PACSIN2: variants seen among roughly 807,000 people sequenced by gnomAD.
PACSIN2 encodes the protein protein kinase C and casein kinase substrate in neurons protein 2.
PACSIN2 carries 25 observed loss-of-function variants against 63.8 expected under a neutral mutation model. That is an observed-to-expected ratio of 0.39 (90% confidence interval 0.29 to 0.55). The LOEUF (loss-of-function observed/expected upper bound fraction) is 0.55. PACSIN2 is among the 20% of genes least tolerant of loss of function. The pLI is 0.62. For missense variants in PACSIN2, 518 were observed against 646.9 expected (o/e 0.80, Z 2.16); for synonymous variants, 255 against 256.2 (o/e 1.00, Z 0.05).
chr22:42,930,634 C>T (rs377069717), intron 1 of PACSIN2, among the ~76,000 whole-genome samples: 88 of 152,286 alleles, frequency 5.8e-4, no homozygotes, highest in East Asian at 1.9e-3. Context: ...ACAAAAGGCA[C>T]GCTCATAAAA....
intron 1 of PACSIN2, among the ~76,000 whole-genome samples, chr22:42,915,805 A>G (rs1359992798): frequency 1.3e-5 from 2 of 152,254 alleles, no homozygotes; most frequent in Non-Finnish European, 2.9e-5. Context: ...AATAATTCAC[A>G]ATCAACTACT....
At chr22:42,875,154 T>C (rs909118285) in intron 10 of PACSIN2, among the ~76,000 whole-genome samples, 1 of 47,718 alleles carries the variant, frequency 2.1e-5, no homozygotes, top group Non-Finnish European at 5.7e-5. Context: ...CCAGCCTACT[T>C]TTTTTTTTTT....
At chr22:42,907,355 G>T (rs1473574942) in intron 2 of PACSIN2, among the ~76,000 whole-genome samples, 1 of 152,240 alleles carries the variant, frequency 6.6e-6, no homozygotes, top group African/African-American at 2.4e-5. Flanking sequence ...AGACTGAGGA[G>T]TTGATGCCTT....
intron 1 of PACSIN2, among the ~76,000 whole-genome samples, chr22:42,970,776 G>A (rs73886199): frequency 0.03 from 4,511 of 152,300 alleles, 222 homozygotes; most frequent in African/African-American, 0.1. Flanking sequence ...AGGGCCCCGT[G>A]TAAGCTGATG....
chr22:42,972,693 G>A (rs1055462508), intron 1 of PACSIN2, among the ~76,000 whole-genome samples: 11 of 152,054 alleles, frequency 7.2e-5, no homozygotes, highest in South Asian at 2.1e-4. Flanking sequence ...TGGACACCAC[G>A]CCAGGAAGCA....
At chr22:42,946,386 G>A (rs1933421342) in intron 1 of PACSIN2, among the ~76,000 whole-genome samples, 1 of 152,194 alleles carries the variant, frequency 6.6e-6, no homozygotes, top group Non-Finnish European at 1.5e-5. Flanking sequence ...CCAGGAAGGA[G>A]GCACACATTG....
chr22:42,909,487 C>T (rs1286826913), intron 2 of PACSIN2: 1 of 470,782 alleles, frequency 2.1e-6, no homozygotes, highest in Non-Finnish European at 4.4e-6. Context: ...CAGGCCATCA[C>T]TGAGCAGTCA....
chr22:42,905,819 C>A (rs1333610547), intron 2 of PACSIN2, among the ~76,000 whole-genome samples: 1 of 152,204 alleles, frequency 6.6e-6, no homozygotes. Context: ...CTGGCCAGGG[C>A]TGGTCCCTGC....
chr22:42,979,198 G>A (rs1368176841), intron 1 of PACSIN2, among the ~76,000 whole-genome samples: 1 of 152,116 alleles, frequency 6.6e-6, no homozygotes, highest in Non-Finnish European at 1.5e-5. Context: ...TGGTTCATCT[G>A]TTTGTGTTTT....
At position 42,914,753 on chromosome 22, in the gene PACSIN2, G is replaced by A. The variant is rs549286579; in HGVS notation, c.-77-2596C>T. 4.7e-4 allele frequency among the ~76,000 whole-genome samples: 71 copies of A among 152,284 alleles called. No homozygotes were observed. The South Asian group carries it at 0.012, about 26-fold the overall frequency. On this transcript the variant is annotated intron_variant, in intron 1 of 10. Coordinates refer to ENST00000263246, the MANE Select transcript of PACSIN2 (RefSeq NM_001184970.3). ...GCAGGGAAGAGCAGGCCCCTGCTCC[G>A]GACTGAGAGGCAGCTTGACACCTGA...
chr22:42,926,907 GTTC>G (rs1356317544), intron 1 of PACSIN2, among the ~76,000 whole-genome samples: 3 of 152,170 alleles, frequency 2.0e-5, no homozygotes, highest in Admixed American at 6.5e-5. Context: ...CCTCAGTGCA[GTTC>G]TTCTGCTTAC....
rs750255821 is a variant in PACSIN2 at position 42,876,953 on chromosome 22, G to A, written c.1086C>T (p.Asn362=). 1 of 1,614,052 alleles carries A rather than the reference G, an allele frequency of 6.2e-7. No individual in the cohort carries two copies. Among genetic ancestry groups the A allele is most frequent in the African/African-American group, 1.3e-5 (1 of 74,932 alleles). The change falls in exon 9 of 11, where the codon AAC becomes AAT. Residue 362 remains asparagine (N), a synonymous_variant. Transcript: ENST00000263246. The stretch of plus-strand genomic sequence containing the variant: ...CCGTGTCGTCCTCATCCTCGAAGGG[G>A]TTGTAGCTGGACTGTGACTGCGCAG... ...AQSAQSQSSY[N]PFEDEDDTGS... is the part of the protein sequence containing the mutation.
At chr22:42,883,770 C>G (rs906378122) in intron 6 of PACSIN2, among the ~76,000 whole-genome samples, 4 of 152,192 alleles carry the variant, frequency 2.6e-5, no homozygotes, top group African/African-American at 9.7e-5. Flanking sequence ...CTTTGGAAGG[C>G]CGAGGTGGGC....
chr22:42,890,877 G>A, intron 4 of PACSIN2, 70 bp downstream of exon 4: 1 of 1,257,946 alleles, frequency 7.9e-7, no homozygotes, highest in Non-Finnish European at 1.1e-6. Context: ...CCTAGGTGCA[G>A]GAGGTGGTGC....
chr22:42,949,302 T>C (rs1933573308), intron 1 of PACSIN2, among the ~76,000 whole-genome samples: 1 of 152,150 alleles, frequency 6.6e-6, no homozygotes. Flanking sequence ...TTCTTGCTCC[T>C]AGTATGACTC....
intron 1 of PACSIN2, among the ~76,000 whole-genome samples, chr22:42,948,893 T>A (rs1012988305): frequency 1.3e-5 from 2 of 152,218 alleles, no homozygotes; most frequent in African/African-American, 4.8e-5. Flanking sequence ...TAAAATGAAC[T>A]AGCCAGTAAT....
At chr22:42,972,264 G>C (rs1807573) in intron 1 of PACSIN2, among the ~76,000 whole-genome samples, 1 of 151,968 alleles carries the variant, frequency 6.6e-6, no homozygotes, top group Admixed American at 6.5e-5. Context: ...AATGGATTAA[G>C]GGCGGTGCAC....
chr22:42,886,451 G>GGTAGGTAT (rs929121725), intron 5 of PACSIN2, among the ~76,000 whole-genome samples: 2 of 148,056 alleles, frequency 1.4e-5, no homozygotes, highest in South Asian at 2.1e-4. Flanking sequence ...TAGGTAGGTA[G>GGTAGGTAT]GTATGTATGT....
chr22:42,910,536 T>G (rs1442412608), intron 2 of PACSIN2, among the ~76,000 whole-genome samples: 2 of 152,186 alleles, frequency 1.3e-5, no homozygotes, highest in Admixed American at 1.3e-4. Flanking sequence ...TCTAGCACTA[T>G]TCCAGGGGCA....
Sources: gnomAD v4.1 joint callset for allele counts (sites outside exome capture counted in the v4.1 genomes callset) on GRCh38, gnomAD v4.1.1 for gene constraint, MANE v1.5 for transcripts, NCBI Gene and HGNC (gene_info 2026-07-23, HGNC 2026-07-21) for gene names.